The following RPTOR variants were observed in gnomAD, a reference collection of about 807,000 sequenced individuals.
The protein encoded by RPTOR is regulatory-associated protein of mTOR.
RPTOR carries 21 observed loss-of-function variants against 169.9 expected under a neutral mutation model. The observed-to-expected ratio is 0.12, with a 90% CI of 0.09 to 0.18. The LOEUF (loss-of-function observed/expected upper bound fraction) is 0.18. Among genes scored for constraint, RPTOR ranks in the 10% least tolerant of loss-of-function variants. RPTOR has a pLI of 1.00. For synonymous variants in RPTOR, 732 were observed against 753.2 expected, an observed-to-expected ratio of 0.97 and a Z score of 0.46; for missense variants, 1,133 against 1,855.9, an observed-to-expected ratio of 0.61 and a Z score of 7.16.
chr17:80,704,290 G>A (rs1042965542), intron 3 of RPTOR, among the ~76,000 whole-genome samples: 2 of 152,174 alleles, frequency 1.3e-5, no homozygotes, highest in Non-Finnish European at 2.9e-5. Context: ...CCAGAACTGC[G>A]CTTTCATTTA....
intron 5 of RPTOR, among the ~76,000 whole-genome samples, chr17:80,739,632 A>G (rs1042530363): frequency 5.3e-5 from 8 of 152,234 alleles, no homozygotes; most frequent in African/African-American, 1.7e-4. Context: ...TTTAACCACA[A>G]GAGAATCAGC....
intron 5 of RPTOR, among the ~76,000 whole-genome samples, chr17:80,743,584 A>C (rs1383112575): frequency 6.6e-6 from 1 of 152,122 alleles, no homozygotes; most frequent in Non-Finnish European, 1.5e-5. Flanking sequence ...TCATGGAACA[A>C]ATCATAAAGC....
chr17:80,908,507 G>C (rs971056357), intron 20 of RPTOR, among the ~76,000 whole-genome samples: 5 of 152,240 alleles, frequency 3.3e-5, no homozygotes, highest in Non-Finnish European at 1.5e-5. Flanking sequence ...TCCTCCGGGA[G>C]TGTGGTCATG....
At chr17:80,900,409 C>T (rs1425914734) in intron 20 of RPTOR, among the ~76,000 whole-genome samples, 2 of 152,086 alleles carry the variant, frequency 1.3e-5, no homozygotes, top group African/African-American at 2.4e-5. Flanking sequence ...CACTGCCTCC[C>T]GGGTTCAAGC....
Position 80,923,682 on chromosome 17 carries a change from G to A in RPTOR, c.2808+9G>A. Reference sequence around the variant, plus strand: ...ACAAGGGCCCAGAGCAGGTACGGGAGCCCGGCTGCCTGGTGATCTGGACAC... The same window carrying A: ...ACAAGGGCCCAGAGCAGGTACGGGAACCCGGCTGCCTGGTGATCTGGACAC... On this transcript the variant is annotated intron_variant, in intron 23 of 33. Transcript: ENST00000306801. 2 of 1,574,964 alleles carry A rather than the reference G, an allele frequency of 1.3e-6. No homozygotes were observed. Among genetic ancestry groups the A allele is most frequent in the Non-Finnish European group, 1.7e-6 (2 of 1,156,834 alleles).
At position 80,657,267 on chromosome 17, in the gene RPTOR, G is replaced by A. The variant is rs559038597; in HGVS notation, c.348+13457G>A. ...GAGTCTACACTGATGGCAGAAGCAAGCTCCAGAAAAGAGCAGGCTCCAGCT... is the reference window on the plus strand; with the variant it reads ...GAGTCTACACTGATGGCAGAAGCAAACTCCAGAAAAGAGCAGGCTCCAGCT... On this transcript the variant is annotated intron_variant, in intron 3 of 33. Coordinates refer to ENST00000306801, the MANE Select transcript of RPTOR (RefSeq NM_020761.3). Among the ~76,000 whole-genome samples the A allele has an allele frequency of 5.9e-5, 9 of 152,308 alleles. No homozygotes were observed. In the South Asian group the frequency reaches 1.7e-3, roughly 28 times the overall value.
intron 31 of RPTOR, among the ~76,000 whole-genome samples, chr17:80,962,025 C>A (rs1169238151): frequency 2.0e-5 from 3 of 152,232 alleles, no homozygotes; most frequent in Non-Finnish European, 2.9e-5. Flanking sequence ...GGGTGGAAGG[C>A]AGGAGCCACG....
rs2066504864 is a variant in RPTOR at position 80,743,427 on chromosome 17, G to A, written c.655-10583G>A. 7.1e-6 allele frequency: 7 copies of A among 985,494 alleles called. No individual in the cohort carries two copies. In the South Asian group the frequency reaches 2.8e-4, roughly 40 times the overall value. 61.0% of individuals were successfully genotyped at this position (985,494 alleles called of 1,614,324 possible). ...GTAAGAAGTTGCCAGCATAAAGACA[G>A]GTAGGAAAGGCATGTCAGTGACAGA... On this transcript the variant is annotated intron_variant, in intron 5 of 33. Transcript: ENST00000306801.
chr17:80,940,696 A>T (rs2069014431), intron 25 of RPTOR, 95 bp downstream of exon 25: 1 of 983,364 alleles, frequency 1.0e-6, no homozygotes. Context: ...GCCCACGCAC[A>T]ACCTTCTCCA....
At chr17:80,804,820 G>A (rs113059224) in intron 7 of RPTOR, 9,547 of 152,384 alleles carry the variant, frequency 0.063, 402 homozygotes, top group Non-Finnish European at 0.094. Flanking sequence ...GAGGAAAGTG[G>A]CATGAGTTTT....
chr17:80,687,208 GTCT>G (rs1361036339), intron 3 of RPTOR, among the ~76,000 whole-genome samples: 1 of 152,216 alleles, frequency 6.6e-6, no homozygotes, highest in Non-Finnish European at 1.5e-5. Context: ...TCACTGTCTA[GTCT>G]TCTTCTGACC....
At chr17:80,840,706 A>G (rs2067629839) in intron 10 of RPTOR, among the ~76,000 whole-genome samples, 1 of 96,820 alleles carries the variant, frequency 1.0e-5, no homozygotes, top group Non-Finnish European at 2.0e-5. Context: ...ACCACACGGC[A>G]GCTCACACCA....
At chr17:80,837,556 G>A (rs963222928) in intron 9 of RPTOR, among the ~76,000 whole-genome samples, 2 of 152,224 alleles carry the variant, frequency 1.3e-5, no homozygotes, top group Non-Finnish European at 2.9e-5. Context: ...CTTAGAACAC[G>A]TGGGCTGCCA....
chr17:80,918,819 G>A (rs1196302248), intron 21 of RPTOR, among the ~76,000 whole-genome samples: 11 of 152,080 alleles, frequency 7.2e-5, no homozygotes, highest in Non-Finnish European at 1.0e-4. Context: ...AAGCTGCATC[G>A]TCAGCACTCG....
At chr17:80,801,949 G>T (rs1048373504) in intron 7 of RPTOR, 1 of 152,180 alleles carries the variant, frequency 6.6e-6, no homozygotes, top group Non-Finnish European at 1.5e-5. Flanking sequence ...CCTTATGCCC[G>T]GGCGCCTCTC....
In RPTOR at chr17:80,708,044, T is replaced by A. The variant is rs1017651494; in HGVS notation, c.507+45T>A. ...TCCTTCCCGTTTCTGCCAAAAGCCA[T>A]GCCAATTGCGGTGGTCGGAGCAGGT... On this transcript the variant is annotated intron_variant, in intron 4 of 33. Coordinates refer to ENST00000306801, the MANE Select transcript of RPTOR (RefSeq NM_020761.3). The surrounding 1 kb of genome is among the most constrained non-coding windows in gnomAD (Gnocchi z 4.2). The A allele has an allele frequency of 1.3e-6, 2 of 1,588,364 alleles. No individual in the cohort carries two copies. The highest frequency in any genetic ancestry group is 8.6e-7 in the Non-Finnish European group (1 of 1,164,946).
rs187525499 is a variant in RPTOR, at chr17:80,743,849, T to G, written c.655-10161T>G. Among the ~76,000 whole-genome samples the G allele has an allele frequency of 7.4e-3, 503 of 68,290 alleles. 24 individuals carry two copies. The highest frequency in any genetic ancestry group is 0.016 in the African/African-American group (243 of 15,488). The allele number at this position is 68,290 out of a possible 152,430, so 44.8% of individuals were successfully genotyped here. Reference sequence around the variant, plus strand: ...TGGCTACTAGCACAGCCCTGGTTACTAGCAGAGCCCTGGCTACTAGCACAG... The same window carrying G: ...TGGCTACTAGCACAGCCCTGGTTACGAGCAGAGCCCTGGCTACTAGCACAG... On this transcript the variant is annotated intron_variant, in intron 5 of 33. Transcript: ENST00000306801.
intron 7 of RPTOR, among the ~76,000 whole-genome samples, chr17:80,796,156 G>A (rs1019223513): frequency 6.6e-6 from 1 of 152,206 alleles, no homozygotes; most frequent in Non-Finnish European, 1.5e-5. Flanking sequence ...GCCTGAGACT[G>A]GGTGTATTAG....
chr17:80,645,711 A>T (rs948306252), intron 3 of RPTOR, among the ~76,000 whole-genome samples: 3 of 152,200 alleles, frequency 2.0e-5, no homozygotes, highest in African/African-American at 7.2e-5. Context: ...CTACGAGCAG[A>T]TCTCTCCATG....
Sources: allele counts gnomAD v4.1 joint callset (sites outside exome capture counted in the v4.1 genomes callset), GRCh38; gene constraint gnomAD v4.1.1; non-coding constraint Gnocchi (gnomAD v3.1); transcripts MANE v1.5; gene names NCBI Gene and HGNC (gene_info 2026-07-23, HGNC 2026-07-21).